The following MYLK variants were observed in gnomAD, a reference collection of about 807,000 sequenced individuals.
The protein encoded by MYLK is myosin light chain kinase.
In MYLK, 106 loss-of-function variants were observed where a neutral mutation model predicts 203.4. The ratio of observed to expected loss-of-function variants is 0.52; its 90% CI spans 0.45 to 0.61. The LOEUF (loss-of-function observed/expected upper bound fraction) is 0.61, where lower values mean the gene tolerates loss of function less well. MYLK is among the 20% of genes least tolerant of loss of function. The pLI, the probability that MYLK is intolerant of heterozygous loss-of-function variation, is 0.00. For missense variants in MYLK, 2,072 were observed against 2,442.3 expected, an observed-to-expected ratio of 0.85 and a Z score of 3.20; for synonymous variants, 867 against 959.5, an observed-to-expected ratio of 0.90 and a Z score of 1.78.
At chr3:123,697,686 A>T (rs1205362313) in intron 18 of MYLK, among the ~76,000 whole-genome samples, 2 of 152,214 alleles carry the variant, frequency 1.3e-5, no homozygotes, top group African/African-American at 4.8e-5. Flanking sequence ...AAAGTGTAAG[A>T]GGCCTAAGAT....
At chr3:123,684,286 T>G (rs1043151347) in intron 19 of MYLK, among the ~76,000 whole-genome samples, 1 of 152,090 alleles carries the variant, frequency 6.6e-6, no homozygotes, top group Non-Finnish European at 1.5e-5. Flanking sequence ...TGACTGATAT[T>G]TGGCCAACAG....
chr3:123,645,872 G>A (rs544090517), intron 27 of MYLK, among the ~76,000 whole-genome samples: 56 of 152,336 alleles, frequency 3.7e-4, no homozygotes, highest in African/African-American at 1.2e-3. Context: ...GGTTGGGTGC[G>A]GTGGCTCACG....
chr3:123,825,718 C>T (rs912076888), intron 3 of MYLK, among the ~76,000 whole-genome samples: 1 of 152,248 alleles, frequency 6.6e-6, no homozygotes, highest in East Asian at 1.9e-4. Flanking sequence ...ATTTTCCTTA[C>T]ACCAAGCTTA....
chr3:123,720,020 CGG>C (rs1304842555), intron 13 of MYLK, among the ~76,000 whole-genome samples: 1 of 152,176 alleles, frequency 6.6e-6, no homozygotes, highest in Non-Finnish European at 1.5e-5. Flanking sequence ...CAAATGCTGC[CGG>C]GCCTGAGCGT....
chr3:123,661,961 C>T (rs1300439721), intron 23 of MYLK, among the ~76,000 whole-genome samples: 2 of 152,176 alleles, frequency 1.3e-5, no homozygotes, highest in Non-Finnish European at 2.9e-5. Flanking sequence ...CTTCCCAGCT[C>T]TGTATTACTT....
chr3:123,779,990 T>G (rs1443186036), intron 4 of MYLK, among the ~76,000 whole-genome samples: 1 of 152,222 alleles, frequency 6.6e-6, no homozygotes, highest in South Asian at 2.1e-4. Context: ...ATCTGTTTAT[T>G]GCATGAGTAC....
chr3:123,629,684 G>T lies in MYLK; in HGVS notation c.4962-58C>A, dbSNP rs1366078009. Reference sequence around the variant, plus strand: ...CTAGGAGAGGGCGCGACGACCAGGTGAGTGGTAACTGAGGTCAAAGGCGAG... The same window carrying T: ...CTAGGAGAGGGCGCGACGACCAGGTTAGTGGTAACTGAGGTCAAAGGCGAG... On this transcript the variant is annotated intron_variant, in intron 29 of 33. Transcript: ENST00000360304. The surrounding 1 kb of genome is among the most constrained non-coding windows in gnomAD (Gnocchi z 4.4). The T allele has an allele frequency of 6.3e-7, 1 of 1,598,438 alleles. No homozygotes were observed. Among genetic ancestry groups the T allele is most frequent in the Admixed American group, 1.7e-5 (1 of 59,940 alleles).
At chr3:123,870,164 T>C (rs1300731020) in intron 2 of MYLK, among the ~76,000 whole-genome samples, 1 of 152,210 alleles carries the variant, frequency 6.6e-6, no homozygotes, top group Non-Finnish European at 1.5e-5. Context: ...TTCCTGAGCC[T>C]GCCAGCTATG....
At position 123,648,109 on chromosome 3, in the gene MYLK, A is replaced by G. The variant is rs1274592247; in HGVS notation, c.4416-682T>C. ...GTGATGGCACTGACTTCTTTCTGAC[A>G]CTGTTACCCAGTTTGCATCACTCCT... On this transcript the variant is annotated intron_variant, in intron 26 of 33. Coordinates refer to ENST00000360304, the MANE Select transcript of MYLK (RefSeq NM_053025.4). This position sits in a 1 kb window ranked among gnomAD's most constrained non-coding sequence, Gnocchi z 4.5. 2.6e-5 allele frequency among the ~76,000 whole-genome samples: 4 copies of G among 152,124 alleles called. No individual in the cohort carries two copies. The highest frequency in any genetic ancestry group is 6.5e-5 in the Admixed American group (1 of 15,274).
intron 11 of MYLK, among the ~76,000 whole-genome samples, chr3:123,727,876 T>C (rs2062343569): frequency 6.6e-6 from 1 of 151,950 alleles, no homozygotes; most frequent in African/African-American, 2.4e-5. Context: ...GAAAGAGAAG[T>C]CTTGGGAAGG....
At chr3:123,713,123 G>T (rs1039113909) in intron 13 of MYLK, among the ~76,000 whole-genome samples, 1 of 152,174 alleles carries the variant, frequency 6.6e-6, no homozygotes, top group Non-Finnish European at 1.5e-5. Context: ...GGGGGAAACC[G>T]GCCGATCGGC....
At chr3:123,699,405 A>G (rs957643201) in intron 18 of MYLK, among the ~76,000 whole-genome samples, 1 of 152,200 alleles carries the variant, frequency 6.6e-6, no homozygotes, top group African/African-American at 2.4e-5. Flanking sequence ...GGAAGCGAGT[A>G]GCTCTGTCTG....
At chr3:123,631,454 G>C (rs577841418) in intron 29 of MYLK, among the ~76,000 whole-genome samples, 1 of 150,976 alleles carries the variant, frequency 6.6e-6, no homozygotes, top group African/African-American at 2.4e-5. Context: ...AACCTGTCAA[G>C]TTAGGGCTTT....
chr3:123,861,582 T>A (rs917578848), intron 2 of MYLK, among the ~76,000 whole-genome samples: 16 of 152,234 alleles, frequency 1.1e-4, no homozygotes, highest in Non-Finnish European at 1.9e-4. Flanking sequence ...AAAGCATTTA[T>A]CCATATGACT....
chr3:123,676,619 T>A (rs539770730), intron 20 of MYLK, among the ~76,000 whole-genome samples: 1 of 152,330 alleles, frequency 6.6e-6, no homozygotes, highest in African/African-American at 2.4e-5. Context: ...GTGACTGATG[T>A]CAGAGGTGAA....
At chr3:123,663,112 T>C (rs1253284245) in intron 23 of MYLK, among the ~76,000 whole-genome samples, 1 of 152,224 alleles carries the variant, frequency 6.6e-6, no homozygotes, top group African/African-American at 2.4e-5. Flanking sequence ...CTGCTCATTC[T>C]TCTGCTGTCC....
intron 5 of MYLK, among the ~76,000 whole-genome samples, chr3:123,747,652 C>T (rs2063062598): frequency 6.6e-6 from 1 of 152,180 alleles, no homozygotes. Flanking sequence ...CTGCTCCAGA[C>T]CTATGGAATC....
intron 20 of MYLK, among the ~76,000 whole-genome samples, chr3:123,675,569 T>C (rs1440047318): frequency 6.6e-6 from 1 of 152,156 alleles, no homozygotes; most frequent in Non-Finnish European, 1.5e-5. Context: ...AAAGGAGAAT[T>C]AGGGAACTAG....
chr3:123,638,208 G>A lies in MYLK; in HGVS notation c.4838-14C>T, dbSNP rs1388123426. 2 of 1,613,568 alleles carry A rather than the reference G, an allele frequency of 1.2e-6. No individual in the cohort carries two copies. Among genetic ancestry groups the A allele is most frequent in the Middle Eastern group, 1.8e-4 (1 of 5,586 alleles). On this transcript the variant is annotated splice_polypyrimidine_tract_variant and intron_variant, in intron 28 of 33. Transcript: ENST00000360304. ...ACCCCGCATTCTCTGAAACCAGGATGGAGAGGGATAAATTGCCAGCACATC... is the reference window on the plus strand; with the variant it reads ...ACCCCGCATTCTCTGAAACCAGGATAGAGAGGGATAAATTGCCAGCACATC...
Sources: gnomAD v4.1 joint callset for allele counts (sites outside exome capture counted in the v4.1 genomes callset) on GRCh38, gnomAD v4.1.1 for gene constraint, Gnocchi (gnomAD v3.1) non-coding constraint, MANE v1.5 for transcripts, NCBI Gene and HGNC (gene_info 2026-07-23, HGNC 2026-07-21) for gene names.